Variants in LMO7 observed in about 807,000 individuals in gnomAD.
LMO7 encodes LIM domain only protein 7.
LMO7 carries 120 observed loss-of-function variants against 206.5 expected under a neutral mutation model. That is an observed-to-expected ratio of 0.58 (90% CI 0.50 to 0.68). The LOEUF is 0.68. LMO7 is among the 30% of genes least tolerant of loss of function. LMO7 has a pLI of 0.00. For synonymous variants in LMO7, 706 were observed against 681.5 expected (o/e 1.04, Z -0.56); for missense variants, 1,959 against 1,957.9 (o/e 1.00, Z -0.01).
At chr13:75,803,973 T>A (rs932874128) in intron 7 of LMO7, among the ~76,000 whole-genome samples, 1 of 152,194 alleles carries the variant, frequency 6.6e-6, no homozygotes, top group Non-Finnish European at 1.5e-5. Flanking sequence ...TTTATTTCTA[T>A]GTATTACATC....
At chr13:75,712,870 A>T (rs1422559518) in intron 1 of LMO7, among the ~76,000 whole-genome samples, 1 of 152,224 alleles carries the variant, frequency 6.6e-6, no homozygotes, top group Non-Finnish European at 1.5e-5. Context: ...GTTTTTAAAA[A>T]ATATATAAAA....
chr13:75,641,150 C>T (rs949126989), intron 1 of LMO7, among the ~76,000 whole-genome samples: 5 of 152,274 alleles, frequency 3.3e-5, no homozygotes, highest in Admixed American at 6.5e-5. Flanking sequence ...GAAGTTCATC[C>T]GGTGCATCGT....
At chr13:75,849,034 T>C (rs2060252521) in intron 26 of LMO7, 45 bp from the exon 27 acceptor site, 4 of 1,184,926 alleles carry the variant, frequency 3.4e-6, no homozygotes, top group Non-Finnish European at 4.9e-6. Context: ...ACTGTCACTT[T>C]TAAAAGGTAC....
chr13:75,846,100 A>T lies in LMO7; in HGVS notation c.4150+721A>T, dbSNP rs530194132. ...CCTACTCTTCCTGTTGTAACAGAAAAGTTAAAAAAAAAAAAAATCTGTTTT... is the reference window on the plus strand; with the variant it reads ...CCTACTCTTCCTGTTGTAACAGAAATGTTAAAAAAAAAAAAAATCTGTTTT... On this transcript the variant is annotated intron_variant, in intron 26 of 30. Transcript: ENST00000377534. 5.2e-4 allele frequency among the ~76,000 whole-genome samples: 70 copies of T among 135,432 alleles called. 1 individual carries two copies. Among genetic ancestry groups the T allele is most frequent in the Admixed American group, 4.0e-3 (52 of 13,108 alleles). 88.8% of individuals were successfully genotyped at this position (135,432 alleles called of 152,430 possible).
chr13:75,626,890 T>C (rs1307060432), intron 2 of LMO7: 1 of 152,022 alleles, frequency 6.6e-6, no homozygotes, highest in Admixed American at 6.6e-5. Flanking sequence ...TCAGCCAATA[T>C]ATTTTTAAGT....
intron 3 of LMO7, among the ~76,000 whole-genome samples, chr13:75,751,120 T>G (rs1190567488): frequency 1.4e-5 from 2 of 146,992 alleles, no homozygotes; most frequent in Non-Finnish European, 3.0e-5. Flanking sequence ...TTGATCAGCA[T>G]CATCATGTAC....
At position 75,808,098 on chromosome 13, in the gene LMO7, C is replaced by T. The variant is rs758405603; in HGVS notation, c.1815C>T (p.Ile605=). 1.9e-6 allele frequency: 3 copies of T among 1,613,922 alleles called. No individual in the cohort carries two copies. In the East Asian group the frequency reaches 6.7e-5, roughly 36 times the overall value. ...SWKLGTTVPP[I]SFTPGPCSEA... ...AACTGGGAACTACCGTGCCTCCCAT[C>T]AGTTTCACCCCTGGCCCCTGCAGTG... The change falls in exon 10 of 31, where the codon ATC becomes ATT. Residue 605 remains isoleucine (I), a synonymous_variant. Coordinates refer to ENST00000377534, the MANE Select transcript of LMO7 (RefSeq NM_001306080.2).
chr13:75,626,514 T>C (rs930333520), intron 2 of LMO7, among the ~76,000 whole-genome samples: 18 of 149,020 alleles, frequency 1.2e-4, no homozygotes, highest in African/African-American at 3.5e-4. Flanking sequence ...GGAGATACAA[T>C]TGAAATTGAG....
At chr13:75,660,171 G>T (rs2038441886) in intron 1 of LMO7, among the ~76,000 whole-genome samples, 1 of 152,172 alleles carries the variant, frequency 6.6e-6, no homozygotes, top group Non-Finnish European at 1.5e-5. Context: ...AGGGGCTAGG[G>T]AAATAGCAGC....
intron 4 of LMO7, among the ~76,000 whole-genome samples, chr13:75,792,690 G>C (rs534494243): frequency 1.3e-5 from 2 of 152,286 alleles, no homozygotes; most frequent in East Asian, 1.9e-4. Context: ...CGACTTCCAT[G>C]CAGTGGAATG....
At chr13:75,700,622 C>G (rs1163425639) in intron 1 of LMO7, among the ~76,000 whole-genome samples, 3 of 152,230 alleles carry the variant, frequency 2.0e-5, no homozygotes, top group African/African-American at 7.2e-5. Context: ...CATCACTACT[C>G]TTTGTGCTTT....
intron 4 of LMO7, among the ~76,000 whole-genome samples, chr13:75,794,882 A>T (rs1941933763): frequency 1.3e-5 from 2 of 152,144 alleles, no homozygotes; most frequent in South Asian, 4.1e-4. Flanking sequence ...TTGCAGGGTC[A>T]AAGTCTCTGA....
chr13:75,813,109 G>A (rs745955153), intron 11 of LMO7, among the ~76,000 whole-genome samples: 2 of 152,224 alleles, frequency 1.3e-5, no homozygotes, highest in East Asian at 1.9e-4. Context: ...ACTGCTTGGC[G>A]AGGTTGCTGG....
intron 1 of LMO7, among the ~76,000 whole-genome samples, chr13:75,637,612 G>A (rs540869571): frequency 6.6e-6 from 1 of 152,346 alleles, no homozygotes; most frequent in South Asian, 2.1e-4. Flanking sequence ...TCATTTAGGA[G>A]TTATTGATGC....
chr13:75,832,831 AC>A (rs1335323077), intron 15 of LMO7, among the ~76,000 whole-genome samples: 2 of 152,206 alleles, frequency 1.3e-5, no homozygotes, highest in Non-Finnish European at 2.9e-5. Flanking sequence ...ACATGTAATG[AC>A]AATAAGATTT....
intron 1 of LMO7, among the ~76,000 whole-genome samples, chr13:75,688,319 A>G (rs979705745): frequency 5.9e-5 from 9 of 152,154 alleles, no homozygotes; most frequent in African/African-American, 2.2e-4. Flanking sequence ...AAATCCTGCC[A>G]TTTCCCCCAT....
intron 1 of LMO7, among the ~76,000 whole-genome samples, chr13:75,693,707 C>T (rs1255172849): frequency 6.6e-6 from 1 of 152,158 alleles, no homozygotes; most frequent in Non-Finnish European, 1.5e-5. Context: ...AGAGTGTTTT[C>T]CCCCAGCGTA....
intron 3 of LMO7, among the ~76,000 whole-genome samples, chr13:75,733,403 A>T (rs2138875220): frequency 6.6e-6 from 1 of 152,084 alleles, no homozygotes; most frequent in East Asian, 1.9e-4. Flanking sequence ...AATCAGCAAG[A>T]CTCCGTGGGC....
chr13:75,726,556 A>G (rs1477024518), intron 2 of LMO7, among the ~76,000 whole-genome samples: 2 of 152,048 alleles, frequency 1.3e-5, no homozygotes, highest in Non-Finnish European at 1.5e-5. Flanking sequence ...CACTATTTGT[A>G]TGAGTCCAGC....
Sources: allele counts gnomAD v4.1 joint callset (sites outside exome capture counted in the v4.1 genomes callset), GRCh38; gene constraint gnomAD v4.1.1; transcripts MANE v1.5; gene names NCBI Gene and HGNC (gene_info 2026-07-23, HGNC 2026-07-21).